Variants in MR1 observed in about 807,000 individuals in gnomAD.
MR1 encodes the protein major histocompatibility complex class I-related protein 1.
MR1 carries 44 observed loss-of-function variants against 37.8 expected under a neutral mutation model. The observed-to-expected ratio is 1.16, with a 90% CI of 0.91 to 1.50. The LOEUF is 1.50. Ranked by LOEUF, MR1 falls within the 40% of genes most tolerant of loss-of-function variation. The pLI, the probability that MR1 is intolerant of heterozygous loss-of-function variation, is 0.00. For synonymous variants in MR1, 153 were observed against 155.8 expected (o/e 0.98, Z 0.13); for missense variants, 386 against 419.1 (o/e 0.92, Z 0.69).
chr1:181,035,613 A>G (rs1220412479), intron 1 of MR1, among the ~76,000 whole-genome samples: 1 of 152,190 alleles, frequency 6.6e-6, no homozygotes, highest in African/African-American at 2.4e-5. Context: ...ACTCTCCAAT[A>G]ATATGGAATA....
intron 1 of MR1, among the ~76,000 whole-genome samples, chr1:181,041,994 G>A (rs550842815): frequency 1.3e-5 from 2 of 152,270 alleles, no homozygotes; most frequent in South Asian, 4.1e-4. Context: ...TTAAGGAAGT[G>A]TGAGAACTAA....
At chr1:181,035,332 A>G (rs1571374175) in intron 1 of MR1, among the ~76,000 whole-genome samples, 1 of 151,908 alleles carries the variant, frequency 6.6e-6, no homozygotes, top group Non-Finnish European at 1.5e-5. Context: ...GTGAGACTCC[A>G]TCTCAAAAAA....
At chr1:181,049,940 C>G in intron 2 of MR1, 71 bp from the exon 3 acceptor site, 2 of 1,534,972 alleles carry the variant, frequency 1.3e-6, no homozygotes. Context: ...CAGCCATGCC[C>G]CTGCTCCCAG....
chr1:181,058,749 C>A lies in MR1; in HGVS notation c.*3484C>A, dbSNP rs893548337. The A allele has an allele frequency of 1.2e-4, 19 of 152,468 alleles. No homozygotes were observed. Among genetic ancestry groups the A allele is most frequent in the African/African-American group, 4.3e-4 (18 of 41,578 alleles). The allele number at this position is 152,468 out of a possible 1,614,324, so 9.4% of individuals were successfully genotyped here. ...TATTTTGAAAACCACTGTCTGGGGT[C>A]TTTGTCCTCACATATGCAGGTCTAG... On this transcript the variant is annotated 3_prime_UTR_variant, in exon 6 of 6. Transcript: ENST00000367580.
In MR1 at chr1:181,058,567, G is replaced by T. The variant is rs1167693111; in HGVS notation, c.*3302G>T. The T allele has an allele frequency of 6.6e-6, 1 of 152,116 alleles. No individual in the cohort carries two copies. Among genetic ancestry groups the T allele is most frequent in the Non-Finnish European group, 1.5e-5 (1 of 68,028 alleles). The allele number at this position is 152,116 out of a possible 1,614,324, so 9.4% of individuals were successfully genotyped here. On this transcript the variant is annotated 3_prime_UTR_variant, in exon 6 of 6. Coordinates refer to ENST00000367580, the MANE Select transcript of MR1 (RefSeq NM_001385161.1). ...CTTACTCCCATGATTTCCAAGTTGT[G>T]ATCCTTTCCTTATTTCTGAGGAATG...
At chr1:181,033,690 C>G (rs538739443), upstream of MR1, among the ~76,000 whole-genome samples, 17 of 152,180 alleles carry the variant, frequency 1.1e-4, no homozygotes, top group South Asian at 8.3e-4. Context: ...AGCTTGAGCT[C>G]CCTGATTGAC....
chr1:181,039,658 G>A (rs930752251), intron 1 of MR1, among the ~76,000 whole-genome samples: 4 of 152,128 alleles, frequency 2.6e-5, no homozygotes, highest in African/African-American at 9.7e-5. Flanking sequence ...CTGAGGTCAT[G>A]AGTTCGAGAC....
chr1:181,039,347 T>C (rs1657435077), intron 1 of MR1, among the ~76,000 whole-genome samples: 1 of 152,234 alleles, frequency 6.6e-6, no homozygotes, highest in Non-Finnish European at 1.5e-5. Context: ...TCCCTTCTCA[T>C]GGGACCACGG....
chr1:181,034,167 T>C lies in MR1; in HGVS notation c.67+93T>C, dbSNP rs144955906. The stretch of plus-strand genomic sequence containing the variant: ...TTCCTAAAACTTGTGGTGAAAAATA[T>C]AGAAGCCAGGGGCAGAAACGTGTAT... On this transcript the variant is annotated intron_variant, in intron 1 of 5. Coordinates refer to ENST00000367580, the MANE Select transcript of MR1 (RefSeq NM_001385161.1). 1.9e-4 allele frequency: 241 copies of C among 1,277,488 alleles called. No homozygotes were observed. The African/African-American group carries it at 3.0e-3, about 16-fold the overall frequency. 79.1% of individuals were successfully genotyped at this position (1,277,488 alleles called of 1,614,324 possible).
chr1:181,056,065 A>C lies in MR1; in HGVS notation c.*800A>C, dbSNP rs1658598680. 1 of 152,170 alleles carries C rather than the reference A, an allele frequency of 6.6e-6. No homozygotes were observed. Among genetic ancestry groups the C allele is most frequent in the Non-Finnish European group, 1.5e-5 (1 of 68,062 alleles). The allele number at this position is 152,170 out of a possible 1,614,324, so 9.4% of individuals were successfully genotyped here. On this transcript the variant is annotated 3_prime_UTR_variant, in exon 6 of 6. Coordinates refer to ENST00000367580, the MANE Select transcript of MR1 (RefSeq NM_001385161.1). ...GACCTGGACCCAGCTGCACTATTTT[A>C]ATGTAAAAATAACAGTATGGCCAGG...
At chr1:181,053,254 C>T (rs6674136) in intron 4 of MR1, among the ~76,000 whole-genome samples, 70,861 of 151,538 alleles carry the variant, frequency 0.47, 19,889 homozygotes, top group East Asian at 0.76. Context: ...TGATGGCATG[C>T]GCCTGTAGTC....
intron 2 of MR1, chr1:181,049,713 C>A: frequency 2.0e-6 from 1 of 493,642 alleles, no homozygotes; most frequent in Non-Finnish European, 3.6e-6. Context: ...GCATCTCTCT[C>A]CCTCCTCCAC....
chr1:181,035,043 G>C (rs1340983313), intron 1 of MR1, among the ~76,000 whole-genome samples: 1 of 152,132 alleles, frequency 6.6e-6, no homozygotes, highest in Non-Finnish European at 1.5e-5. Context: ...GCTCACACCT[G>C]TAATCCTAGC....
At chr1:181,049,589 A>G (rs1658171583) in intron 2 of MR1, 1 of 534,028 alleles carries the variant, frequency 1.9e-6, no homozygotes, top group Non-Finnish European at 3.3e-6. Flanking sequence ...TCTGATATGC[A>G]TCTCCTTTTC....
In MR1 at chr1:181,056,467, T is replaced by C. The variant is rs1228958104; in HGVS notation, c.*1202T>C. On this transcript the variant is annotated 3_prime_UTR_variant, in exon 6 of 6. Transcript: ENST00000367580. ...TTTCTGCCTTTCCTGTGCTGGCTCA[T>C]GGTAGCTGGGCATGACTTGCCTTCC... 6.6e-6 allele frequency: 1 copy of C among 152,100 alleles called. No homozygotes were observed. Among genetic ancestry groups the C allele is most frequent in the East Asian group, 1.9e-4 (1 of 5,192 alleles). 9.4% of individuals were successfully genotyped at this position (152,100 alleles called of 1,614,324 possible).
At chr1:181,053,328 G>A (rs575183348) in intron 4 of MR1, among the ~76,000 whole-genome samples, 1 of 151,582 alleles carries the variant, frequency 6.6e-6, no homozygotes, top group East Asian at 1.9e-4. Context: ...GCTGCAGTGA[G>A]CTATAATGGC....
intron 1 of MR1, among the ~76,000 whole-genome samples, chr1:181,039,063 C>G (rs1161122095): frequency 6.6e-6 from 1 of 152,172 alleles, no homozygotes; most frequent in Non-Finnish European, 1.5e-5. Context: ...CCTTGGCCCC[C>G]CAAAGTGCTG....
intron 1 of MR1, among the ~76,000 whole-genome samples, chr1:181,042,662 C>G (rs1011080809): frequency 1.3e-4 from 20 of 151,726 alleles, no homozygotes; most frequent in Non-Finnish European, 2.8e-4. Flanking sequence ...AAAAATTAGC[C>G]AGGCGTGATG....
intron 1 of MR1, among the ~76,000 whole-genome samples, chr1:181,047,940 AGGCGCGGTG>A (rs1202856244): frequency 5.6e-5 from 8 of 142,412 alleles, no homozygotes; most frequent in Non-Finnish European, 1.1e-4. Flanking sequence ...TAAATAGGCC[AGGCGCGGTG>A]GCTCACGCCT....
Sources: gnomAD v4.1 joint callset for allele counts (sites outside exome capture counted in the v4.1 genomes callset) on GRCh38, gnomAD v4.1.1 for gene constraint, MANE v1.5 for transcripts, NCBI Gene and HGNC (gene_info 2026-07-23, HGNC 2026-07-21) for gene names.